EAF2: variants seen among roughly 807,000 people sequenced by gnomAD.
The protein encoded by EAF2 is ELL associated factor 2.
EAF2 carries 29 observed loss-of-function variants against 29.4 expected under a neutral mutation model. The ratio of observed to expected loss-of-function variants is 0.99; its 90% CI spans 0.73 to 1.35. The LOEUF (loss-of-function observed/expected upper bound fraction) is 1.35. Among genes scored for constraint, EAF2 ranks in the 40% most tolerant of loss-of-function variants. The probability of loss-of-function intolerance (pLI) is 0.00; values close to 1 mark genes in which losing one functional copy is unlikely to be tolerated. For synonymous variants in EAF2, 103 were observed against 102.5 expected (o/e 1.00, Z -0.03); for missense variants, 292 against 312.0 (o/e 0.94, Z 0.48).
At chr3:121,878,363 G>C (rs1286209421) in intron 5 of EAF2, among the ~76,000 whole-genome samples, 1 of 152,066 alleles carries the variant, frequency 6.6e-6, no homozygotes, top group African/African-American at 2.4e-5. Flanking sequence ...TGGATAATTA[G>C]GATATACATT....
rs1167466790 is a variant in EAF2 at position 121,840,515 on chromosome 3, A to AAAAAAAAAAAAAAAC, written c.107-3932_107-3931insAAAAAAAACAAAAAA. ...AAAAAAAAAAAAAAAAAAAGAAAAA[A>AAAAAAAAAAAAAAAC]AAAAAACGGGCCGGGTGCGGTGGCT... On this transcript the variant is annotated intron_variant, in intron 1 of 5. Coordinates refer to ENST00000273668, the MANE Select transcript of EAF2 (RefSeq NM_018456.6). 3.4e-4 allele frequency among the ~76,000 whole-genome samples: 33 copies of AAAAAAAAAAAAAAAC among 97,954 alleles called. 3 individuals are homozygous for AAAAAAAAAAAAAAAC. The highest frequency in any genetic ancestry group is 5.2e-4 in the Admixed American group (4 of 7,644). The allele number at this position is 97,954 out of a possible 152,430, so 64.3% of individuals were successfully genotyped here.
rs1576643135 is a variant in EAF2, at chr3:121,853,729, T to A, written c.202-958T>A. Among the ~76,000 whole-genome samples, 5 of 152,254 alleles carry A rather than the reference T, an allele frequency of 3.3e-5. No homozygotes were observed. The South Asian group carries it at 1.0e-3, about 31-fold the overall frequency. Reference sequence around the variant, plus strand: ...TTGTTCCTCTATTCCTTCTATTTTCTATATATTGGTAGTTATATATCTAAG... The same window carrying A: ...TTGTTCCTCTATTCCTTCTATTTTCAATATATTGGTAGTTATATATCTAAG... On this transcript the variant is annotated intron_variant, in intron 2 of 5. Coordinates refer to ENST00000273668, the MANE Select transcript of EAF2 (RefSeq NM_018456.6).
At chr3:121,863,685 C>G (rs973179853) in intron 4 of EAF2, among the ~76,000 whole-genome samples, 2 of 152,118 alleles carry the variant, frequency 1.3e-5, no homozygotes, top group Non-Finnish European at 1.5e-5. Context: ...TCAGCTCACA[C>G]TCTGTGGGCT....
At chr3:121,842,755 C>T (rs1708458736) in intron 1 of EAF2, among the ~76,000 whole-genome samples, 1 of 152,192 alleles carries the variant, frequency 6.6e-6, no homozygotes, top group African/African-American at 2.4e-5. Context: ...CTCAATAGCA[C>T]TGTCCTTTCA....
At chr3:121,869,987 A>G (rs1396103400) in intron 4 of EAF2, among the ~76,000 whole-genome samples, 1 of 152,210 alleles carries the variant, frequency 6.6e-6, no homozygotes, top group Non-Finnish European at 1.5e-5. Flanking sequence ...GCCAAAACTC[A>G]ACTAAGGCGA....
intron 2 of EAF2, among the ~76,000 whole-genome samples, chr3:121,847,209 A>T (rs1256736052): frequency 6.6e-6 from 1 of 152,244 alleles, no homozygotes; most frequent in Non-Finnish European, 1.5e-5. Flanking sequence ...AGAGACAGGA[A>T]ATAACTGATT....
At chr3:121,854,934 A>G (rs1708693976) in intron 3 of EAF2, 111 bp downstream of exon 3, 1 of 1,090,366 alleles carries the variant, frequency 9.2e-7, no homozygotes, top group South Asian at 1.9e-5. Flanking sequence ...TGTGTGGTAC[A>G]AAAATGTTTT....
intron 2 of EAF2, among the ~76,000 whole-genome samples, chr3:121,850,696 C>A (rs1708617228): frequency 6.6e-6 from 1 of 151,874 alleles, no homozygotes; most frequent in Admixed American, 6.6e-5. Context: ...TATTCTTATT[C>A]TTTTTTTTAT....
At position 121,841,275 on chromosome 3, in the gene EAF2, G is replaced by T. The variant is rs112183920; in HGVS notation, c.107-3178G>T. ...TCCCAGCACTTTGGGAGGCGGAGGC[G>T]GGCGTATCACCTGAGGTCGGGAGTT... is the stretch of plus-strand genomic sequence containing the variant. On this transcript the variant is annotated intron_variant, in intron 1 of 5. Transcript: ENST00000273668. Among the ~76,000 whole-genome samples, 256 of 151,854 alleles carry T rather than the reference G, an allele frequency of 1.7e-3. 2 individuals carry two copies. The highest frequency in any genetic ancestry group is 5.6e-3 in the African/African-American group (234 of 41,418).
At chr3:121,841,606 C>A (rs1708433619) in intron 1 of EAF2, among the ~76,000 whole-genome samples, 1 of 149,478 alleles carries the variant, frequency 6.7e-6, no homozygotes, top group South Asian at 2.1e-4. Flanking sequence ...GGCGCAGTGG[C>A]TCATGCCTGT....
intron 1 of EAF2, 48 bp from the exon 2 acceptor site, chr3:121,844,405 C>A: frequency 8.8e-7 from 1 of 1,139,056 alleles, no homozygotes; most frequent in Non-Finnish European, 1.3e-6. Flanking sequence ...TTTTTATATC[C>A]AAATATCATT....
At chr3:121,878,466 T>C (rs1009794240) in intron 5 of EAF2, among the ~76,000 whole-genome samples, 13 of 152,172 alleles carry the variant, frequency 8.5e-5, no homozygotes, top group Admixed American at 3.9e-4. Flanking sequence ...TTGTTAACTA[T>C]AGTCATCCTA....
At chr3:121,847,202 G>C (rs1708544153) in intron 2 of EAF2, among the ~76,000 whole-genome samples, 1 of 152,148 alleles carries the variant, frequency 6.6e-6, no homozygotes, top group South Asian at 2.1e-4. Context: ...TAATGGGAGA[G>C]ACAGGAAATA....
chr3:121,860,558 CTT>C (rs542305991), intron 4 of EAF2, among the ~76,000 whole-genome samples: 42 of 152,212 alleles, frequency 2.8e-4, no homozygotes, highest in African/African-American at 9.1e-4. Flanking sequence ...ATTCTTCTCT[CTT>C]TTTTTCTTTA....
At chr3:121,858,795 G>A (rs563820588) in intron 4 of EAF2, among the ~76,000 whole-genome samples, 15 of 152,206 alleles carry the variant, frequency 9.9e-5, no homozygotes, top group South Asian at 6.2e-4. Flanking sequence ...GCGTTTTTAT[G>A]GTTTTAGGTC....
intron 1 of EAF2, among the ~76,000 whole-genome samples, chr3:121,839,126 G>C (rs928308982): frequency 1.3e-5 from 2 of 152,172 alleles, no homozygotes; most frequent in African/African-American, 2.4e-5. Context: ...CTTGACTTTA[G>C]AAGTGCTTTG....
At chr3:121,860,220 G>A (rs573290144) in intron 4 of EAF2, among the ~76,000 whole-genome samples, 214 of 152,204 alleles carry the variant, frequency 1.4e-3, no homozygotes, top group African/African-American at 5.0e-3. Flanking sequence ...TTTTTCTATC[G>A]ATTGGAATAG....
intron 2 of EAF2, among the ~76,000 whole-genome samples, chr3:121,845,601 A>G (rs975243893): frequency 3.3e-5 from 5 of 152,074 alleles, no homozygotes; most frequent in African/African-American, 1.2e-4. Context: ...AAACCATTAG[A>G]AGTTTTAATA....
At chr3:121,878,231 T>C (rs1227664348) in intron 5 of EAF2, among the ~76,000 whole-genome samples, 1 of 151,940 alleles carries the variant, frequency 6.6e-6, no homozygotes, top group Admixed American at 6.6e-5. Context: ...TAGACAATAT[T>C]AAGGAAGAAA....
Sources: gnomAD v4.1 joint callset for allele counts (sites outside exome capture counted in the v4.1 genomes callset) on GRCh38, gnomAD v4.1.1 for gene constraint, MANE v1.5 for transcripts, NCBI Gene and HGNC (gene_info 2026-07-23, HGNC 2026-07-21) for gene names.